Variants in DPYS observed in about 807,000 individuals in gnomAD.
DPYS encodes dihydropyrimidine amidohydrolase.
DPYS carries 39 observed loss-of-function variants against 50.3 expected under a neutral mutation model. That is an observed-to-expected ratio of 0.78 (90% CI 0.60 to 1.01). DPYS has a LOEUF of 1.01. Ranked by LOEUF, DPYS falls within the 50% of genes least tolerant of loss-of-function variation. DPYS has a pLI of 0.00. For synonymous variants in DPYS, 245 were observed against 250.7 expected (o/e 0.98, Z 0.22); for missense variants, 659 against 680.9 (o/e 0.97, Z 0.36).
chr8:104,447,074 T>C (rs1281869299), intron 3 of DPYS, among the ~76,000 whole-genome samples: 3 of 152,184 alleles, frequency 2.0e-5, no homozygotes, highest in African/African-American at 7.2e-5. Context: ...ATCTAAGAGC[T>C]GGTTTGCAAA....
intron 7 of DPYS, among the ~76,000 whole-genome samples, chr8:104,404,768 C>T (rs895606750): frequency 4.6e-5 from 7 of 152,250 alleles, no homozygotes; most frequent in African/African-American, 7.2e-5. Flanking sequence ...TATTGAAACA[C>T]AGTCACATTC....
chr8:104,388,285 C>T (rs1811275010), intron 8 of DPYS, among the ~76,000 whole-genome samples: 1 of 152,088 alleles, frequency 6.6e-6, no homozygotes, highest in African/African-American at 2.4e-5. Flanking sequence ...ATTCTGAAAC[C>T]ATACATCACT....
At chr8:104,456,954 G>A (rs1813946264) in intron 1 of DPYS, among the ~76,000 whole-genome samples, 1 of 152,172 alleles carries the variant, frequency 6.6e-6, no homozygotes, top group South Asian at 2.1e-4. Context: ...ATTACTGAAA[G>A]TACAGGAGTT....
intron 7 of DPYS, 144 bp from the exon 8 acceptor site, chr8:104,393,135 G>C (rs1214503119): frequency 2.7e-6 from 2 of 729,132 alleles, no homozygotes; most frequent in Non-Finnish European, 4.5e-6. Flanking sequence ...GTAACTTTAA[G>C]AATAGAACAT....
intron 1 of DPYS, among the ~76,000 whole-genome samples, chr8:104,457,221 A>G (rs189844897): frequency 2.2e-4 from 33 of 152,326 alleles, no homozygotes; most frequent in African/African-American, 7.0e-4. Flanking sequence ...AAGCACTGCA[A>G]TATTGCAACA....
intron 2 of DPYS, among the ~76,000 whole-genome samples, chr8:104,448,598 C>G (rs1295319926): frequency 6.6e-6 from 1 of 151,274 alleles, no homozygotes; most frequent in African/African-American, 2.4e-5. Context: ...CACACATACA[C>G]ACACACACAA....
chr8:104,459,098 G>T (rs1814030372), intron 1 of DPYS, among the ~76,000 whole-genome samples: 1 of 152,168 alleles, frequency 6.6e-6, no homozygotes, highest in Non-Finnish European at 1.5e-5. Flanking sequence ...AAATTGAAGT[G>T]TCCTTTCTCA....
At chr8:104,441,424 T>C (rs1328062005) in intron 4 of DPYS, among the ~76,000 whole-genome samples, 1 of 152,166 alleles carries the variant, frequency 6.6e-6, no homozygotes, top group African/African-American at 2.4e-5. Context: ...TTACTTTACA[T>C]GGCAAAGGGA....
chr8:104,399,078 G>T (rs898178026), intron 7 of DPYS, among the ~76,000 whole-genome samples: 3 of 151,946 alleles, frequency 2.0e-5, no homozygotes, highest in East Asian at 1.9e-4. Flanking sequence ...ATCACTTGAG[G>T]TCAGGAGTTC....
intron 1 of DPYS, 137 bp downstream of exon 1, chr8:104,466,520 G>T: frequency 9.8e-7 from 1 of 1,022,456 alleles, no homozygotes; most frequent in Non-Finnish European, 1.3e-6. Flanking sequence ...ACCCGCCGGG[G>T]CTGCGCTCCT....
At chr8:104,437,027 C>A (rs1163223807) in intron 4 of DPYS, among the ~76,000 whole-genome samples, 1 of 151,748 alleles carries the variant, frequency 6.6e-6, no homozygotes, top group Non-Finnish European at 1.5e-5. Context: ...AAAAAGTAAA[C>A]AAAAATATTT....
chr8:104,455,556 G>A (rs1383909043), intron 1 of DPYS, among the ~76,000 whole-genome samples: 3 of 152,192 alleles, frequency 2.0e-5, no homozygotes, highest in Non-Finnish European at 4.4e-5. Context: ...GCTTGGGCAC[G>A]TGTCCACCTG....
At chr8:104,430,581 A>T (rs193252186) in intron 4 of DPYS, among the ~76,000 whole-genome samples, 1 of 152,276 alleles carries the variant, frequency 6.6e-6, no homozygotes, top group Non-Finnish European at 1.5e-5. Context: ...TTTTAGTTAA[A>T]ATCCTGATAT....
intron 8 of DPYS, among the ~76,000 whole-genome samples, chr8:104,382,017 G>A (rs16871363): frequency 0.33 from 50,125 of 152,066 alleles, 10,334 homozygotes; most frequent in African/African-American, 0.58. Context: ...CATTTACTAC[G>A]CATAGGAAAC....
At chr8:104,396,372 AAG>A (rs1484608746) in intron 7 of DPYS, among the ~76,000 whole-genome samples, 1 of 152,198 alleles carries the variant, frequency 6.6e-6, no homozygotes, top group Non-Finnish European at 1.5e-5. Context: ...GGGAGGAAAA[AAG>A]AAATTCTTAA....
intron 1 of DPYS, 44 bp downstream of exon 1, chr8:104,466,613 G>T (rs1303186789): frequency 6.7e-7 from 1 of 1,485,806 alleles, no homozygotes; most frequent in East Asian, 2.7e-5. Flanking sequence ...GGCTGCCCGA[G>T]CCTCCGTGGG....
chr8:104,409,429 G>C (rs946892923), intron 7 of DPYS, among the ~76,000 whole-genome samples: 1 of 151,950 alleles, frequency 6.6e-6, no homozygotes, highest in African/African-American at 2.4e-5. Context: ...AGATTGCAGT[G>C]AGCCAAGATC....
intron 5 of DPYS, 93 bp downstream of exon 5, chr8:104,429,452 A>G: frequency 1.3e-6 from 2 of 1,537,098 alleles, no homozygotes; most frequent in South Asian, 2.3e-5. Context: ...GAATACTGGG[A>G]GGTTAGTGGA....
chr8:104,433,590 T>C (rs1326589829), intron 4 of DPYS, among the ~76,000 whole-genome samples: 5 of 152,032 alleles, frequency 3.3e-5, no homozygotes, highest in Non-Finnish European at 5.9e-5. Context: ...GCCAAGGTCA[T>C]GCCACTGAAC....
Sources: gnomAD v4.1 joint callset for allele counts (sites outside exome capture counted in the v4.1 genomes callset) on GRCh38, gnomAD v4.1.1 for gene constraint, MANE v1.5 for transcripts, NCBI Gene and HGNC (gene_info 2026-07-23, HGNC 2026-07-21) for gene names.